The following TAF4B variants were observed in gnomAD, a reference collection of about 807,000 sequenced individuals.
TAF4B encodes TATA-box binding protein associated factor 4b.
In TAF4B, 38 loss-of-function variants were observed where a neutral mutation model predicts 86.4. That is an observed-to-expected ratio of 0.44 (90% CI 0.34 to 0.58). The LOEUF (loss-of-function observed/expected upper bound fraction) is 0.58, where lower values mean the gene tolerates loss of function less well. Ranked by LOEUF, TAF4B falls within the 20% of genes least tolerant of loss-of-function variation. The pLI is 0.02. For missense variants in TAF4B, 988 were observed against 1,027.6 expected, an observed-to-expected ratio of 0.96 and a Z score of 0.53; for synonymous variants, 388 against 391.2, an observed-to-expected ratio of 0.99 and a Z score of 0.10.
At chr18:26,362,955 A>AT (rs1227550968) in intron 14 of TAF4B, among the ~76,000 whole-genome samples, 1 of 152,178 alleles carries the variant, frequency 6.6e-6, no homozygotes, top group South Asian at 2.1e-4. Flanking sequence ...TTTATATAGC[A>AT]TTTACATTGT....
At chr18:26,350,052 A>G (rs2057232329) in intron 13 of TAF4B, among the ~76,000 whole-genome samples, 1 of 152,208 alleles carries the variant, frequency 6.6e-6, no homozygotes, top group Non-Finnish European at 1.5e-5. Context: ...TACCCTATTA[A>G]AAAGTCAAAT....
At chr18:26,344,233 T>C (rs2057158381) in intron 13 of TAF4B, among the ~76,000 whole-genome samples, 1 of 151,856 alleles carries the variant, frequency 6.6e-6, no homozygotes, top group African/African-American at 2.4e-5. Context: ...TCATAATCAA[T>C]CTCTGAAAAC....
At chr18:26,230,006 T>G (rs547785194) in intron 1 of TAF4B, among the ~76,000 whole-genome samples, 1 of 152,056 alleles carries the variant, frequency 6.6e-6, no homozygotes, top group East Asian at 1.9e-4. Context: ...TATACATATA[T>G]ATGCACCACA....
chr18:26,366,557 G>A (rs552526603), intron 14 of TAF4B, among the ~76,000 whole-genome samples: 2 of 152,330 alleles, frequency 1.3e-5, no homozygotes, highest in South Asian at 2.1e-4. Context: ...AGATAGTACT[G>A]CTTAAAGCAA....
intron 3 of TAF4B, among the ~76,000 whole-genome samples, chr18:26,272,917 T>C (rs1469151248): frequency 6.6e-6 from 1 of 152,152 alleles, no homozygotes; most frequent in African/African-American, 2.4e-5. Flanking sequence ...TTGTACTAAC[T>C]TAGGTGTAAT....
chr18:26,268,674 C>T (rs1396226593), intron 3 of TAF4B, among the ~76,000 whole-genome samples: 9 of 152,228 alleles, frequency 5.9e-5, no homozygotes, highest in African/African-American at 1.4e-4. Context: ...GCCTCCATTG[C>T]GTAATAGCAA....
At position 26,245,046 on chromosome 18, in the gene TAF4B, G is replaced by A. The variant is rs73411434; in HGVS notation, c.343+17770G>A. 4.5e-3 allele frequency among the ~76,000 whole-genome samples: 680 copies of A among 151,254 alleles called. 7 individuals carry two copies. The highest frequency in any genetic ancestry group is 0.016 in the African/African-American group (656 of 41,444). On this transcript the variant is annotated intron_variant, in intron 1 of 14. Transcript: ENST00000269142. ...CTGGTTCCAGGCAAACCAACGCTCC[G>A]AACTCCAAAGAGTCTGGGGTTGTTA...
At chr18:26,336,963 G>A (rs1568160113) in intron 13 of TAF4B, among the ~76,000 whole-genome samples, 2 of 151,992 alleles carry the variant, frequency 1.3e-5, no homozygotes, top group African/African-American at 2.4e-5. Flanking sequence ...TAATAATTCC[G>A]TAAGGGATGA....
rs57997596 is a variant in TAF4B at position 26,271,570 on chromosome 18, A to C, written c.598-3093A>C. Among the ~76,000 whole-genome samples, 919 of 152,262 alleles carry C rather than the reference A, an allele frequency of 6.0e-3. 5 individuals are homozygous for C. The highest frequency in any genetic ancestry group is 0.021 in the African/African-American group (857 of 41,534). On this transcript the variant is annotated intron_variant, in intron 3 of 14. Coordinates refer to ENST00000269142, the MANE Select transcript of TAF4B (RefSeq NM_005640.3). ...GCCTAGTCAGTCAGTGCAGCCTTGAAAAGCATTGAAGTTACCATTGGCTGG... is the reference window on the plus strand; with the variant it reads ...GCCTAGTCAGTCAGTGCAGCCTTGACAAGCATTGAAGTTACCATTGGCTGG...
chr18:26,265,425 T>G (rs1235671130), intron 2 of TAF4B, 110 bp downstream of exon 2: 1 of 1,305,686 alleles, frequency 7.7e-7, no homozygotes, highest in East Asian at 2.7e-5. Context: ...ATGATTCTAT[T>G]CAGCTTTTTA....
chr18:26,334,165 T>A (rs1319182349), intron 12 of TAF4B, among the ~76,000 whole-genome samples: 1 of 152,160 alleles, frequency 6.6e-6, no homozygotes, highest in African/African-American at 2.4e-5. Context: ...AAGAAAAATT[T>A]TACCAGCTTT....
intron 1 of TAF4B, among the ~76,000 whole-genome samples, chr18:26,238,933 G>A (rs1474902493): frequency 2.0e-5 from 3 of 152,122 alleles, no homozygotes; most frequent in Admixed American, 6.5e-5. Context: ...CCTTTTTTAT[G>A]GCTGCATAGT....
At position 26,315,157 on chromosome 18, in the gene TAF4B, T is replaced by TCACA. The variant is rs1372151453; in HGVS notation, c.1833-71_1833-70insACAC. Reference sequence around the variant, plus strand: ...CTCTCTCTCTCTCTGTCTCTCTCTCTCTCTCACACACACACACACACACAC... The same window carrying TCACA: ...CTCTCTCTCTCTCTGTCTCTCTCTCTCACACTCTCACACACACACACACACACAC... On this transcript the variant is annotated intron_variant, in intron 9 of 14. Transcript: ENST00000269142. 647 of 446,292 alleles carry TCACA rather than the reference T, an allele frequency of 1.4e-3. 13 individuals are homozygous for TCACA. In the African/African-American group the frequency reaches 0.015, roughly 10 times the overall value. 27.6% of individuals were successfully genotyped at this position (446,292 alleles called of 1,614,324 possible).
chr18:26,357,294 A>G (rs1368872827), intron 13 of TAF4B, among the ~76,000 whole-genome samples: 1 of 152,214 alleles, frequency 6.6e-6, no homozygotes, highest in African/African-American at 2.4e-5. Flanking sequence ...ACTGTGTGCA[A>G]TAATGTACAA....
At chr18:26,326,948 C>T in intron 11 of TAF4B, 67 bp from the exon 12 acceptor site, 1 of 1,534,646 alleles carries the variant, frequency 6.5e-7, no homozygotes, top group Non-Finnish European at 8.8e-7. Flanking sequence ...CAGGTTTATA[C>T]AATACCTAAT....
intron 6 of TAF4B, among the ~76,000 whole-genome samples, chr18:26,285,222 G>GTTTTTGTTTTT: frequency 6.3e-4 from 29 of 45,674 alleles, no homozygotes; most frequent in Middle Eastern, 0.021. Flanking sequence ...TTTTTTTTTT[G>GTTTTTGTTTTT]TTTTTTTTTT....
At chr18:26,379,431 T>A (rs1394198661) in intron 14 of TAF4B, among the ~76,000 whole-genome samples, 1 of 152,080 alleles carries the variant, frequency 6.6e-6, no homozygotes, top group African/African-American at 2.4e-5. Context: ...AGGTATCCTG[T>A]TACTCTACCC....
At chr18:26,358,729 A>G (rs2057308525) in intron 14 of TAF4B, among the ~76,000 whole-genome samples, 1 of 152,216 alleles carries the variant, frequency 6.6e-6, no homozygotes, top group African/African-American at 2.4e-5. Flanking sequence ...AAATAAAAAA[A>G]AGATAATATT....
chr18:26,316,111 A>G (rs529008089), intron 10 of TAF4B, among the ~76,000 whole-genome samples: 1 of 152,044 alleles, frequency 6.6e-6, no homozygotes, highest in African/African-American at 2.4e-5. Context: ...AGGCTGAGGC[A>G]TGAGAATCGC....
Sources: gnomAD v4.1 joint callset for allele counts (sites outside exome capture counted in the v4.1 genomes callset) on GRCh38, gnomAD v4.1.1 for gene constraint, MANE v1.5 for transcripts, NCBI Gene and HGNC (gene_info 2026-07-23, HGNC 2026-07-21) for gene names.